PRSS38: variants seen among roughly 807,000 people sequenced by gnomAD.
The protein encoded by PRSS38 is serine protease 38.
In PRSS38, 22 loss-of-function variants were observed where a neutral mutation model predicts 26.8. The observed-to-expected ratio is 0.82, with a 90% CI of 0.59 to 1.17. The LOEUF is 1.17. PRSS38 is among the 50% of genes most tolerant of loss of function. The probability of loss-of-function intolerance (pLI) is 0.00; values close to 1 mark genes in which losing one functional copy is unlikely to be tolerated. For synonymous variants in PRSS38, 175 were observed against 172.1 expected, an observed-to-expected ratio of 1.02 and a Z score of -0.13; for missense variants, 427 against 422.7, an observed-to-expected ratio of 1.01 and a Z score of -0.09.
At chr1:227,840,050 T>C (rs895549990) in intron 3 of PRSS38, among the ~76,000 whole-genome samples, 2 of 152,218 alleles carry the variant, frequency 1.3e-5, no homozygotes, top group African/African-American at 4.8e-5. Context: ...GTCAGTAAAC[T>C]ACAGATGAGG....
intron 3 of PRSS38, among the ~76,000 whole-genome samples, chr1:227,838,334 G>A (rs543951161): frequency 4.6e-5 from 7 of 152,320 alleles, no homozygotes; most frequent in East Asian, 1.9e-4. Flanking sequence ...TGGTGGTGGC[G>A]TCATGCCTGC....
chr1:227,824,990 T>C (rs1665051154), intron 3 of PRSS38, among the ~76,000 whole-genome samples: 1 of 152,200 alleles, frequency 6.6e-6, no homozygotes. Flanking sequence ...GATGGATAGA[T>C]TGCAAAATTT....
At chr1:227,828,422 C>T (rs1338918276) in intron 3 of PRSS38, among the ~76,000 whole-genome samples, 1 of 152,096 alleles carries the variant, frequency 6.6e-6, no homozygotes, top group Non-Finnish European at 1.5e-5. Context: ...TTGTTGAACC[C>T]TTTACTATTA....
chr1:227,837,534 T>C (rs1196135076), intron 3 of PRSS38, among the ~76,000 whole-genome samples: 1 of 150,508 alleles, frequency 6.6e-6, no homozygotes, highest in African/African-American at 2.5e-5. Context: ...GTTTAGGTCA[T>C]GTGAACAAAT....
intron 3 of PRSS38, among the ~76,000 whole-genome samples, chr1:227,820,385 T>C (rs1381771410): frequency 6.6e-6 from 1 of 152,120 alleles, no homozygotes; most frequent in Non-Finnish European, 1.5e-5. Context: ...TTGTTTCTGA[T>C]CTCATGGGAA....
At chr1:227,840,753 C>T (rs993481576) in intron 3 of PRSS38, among the ~76,000 whole-genome samples, 4 of 152,164 alleles carry the variant, frequency 2.6e-5, no homozygotes, top group Non-Finnish European at 5.9e-5. Flanking sequence ...AGTGCCTTAT[C>T]CTCAGCTAGA....
chr1:227,824,560 T>C (rs547546939), intron 3 of PRSS38, among the ~76,000 whole-genome samples: 7 of 152,196 alleles, frequency 4.6e-5, no homozygotes, highest in Non-Finnish European at 8.8e-5. Context: ...AATAGGATGA[T>C]TTATATTACT....
intron 3 of PRSS38, among the ~76,000 whole-genome samples, chr1:227,826,719 A>G (rs903181284): frequency 1.4e-5 from 2 of 144,838 alleles, no homozygotes; most frequent in African/African-American, 5.1e-5. Context: ...CCATCTCAAG[A>G]AAAAAAAAAA....
At chr1:227,846,406 G>A in exon 5 of PRSS38, 2 of 654,302 alleles carry the variant, frequency 3.1e-6, no homozygotes, top group South Asian at 2.0e-5. Flanking sequence ...GGCTGGTCAG[G>A]GAGAACCCAG....
chr1:227,827,108 A>C (rs1326446779), intron 3 of PRSS38, among the ~76,000 whole-genome samples: 4 of 152,140 alleles, frequency 2.6e-5, no homozygotes, highest in African/African-American at 9.7e-5. Flanking sequence ...TTTTGCATTG[A>C]TGTTCATCAA....
At chr1:227,815,977 TC>T in intron 1 of PRSS38, 112 bp from the exon 2 acceptor site, 1 of 1,472,938 alleles carries the variant, frequency 6.8e-7, no homozygotes, top group South Asian at 1.3e-5. Context: ...CTCCCCCATG[TC>T]CCCTGCCTTC....
intron 3 of PRSS38, among the ~76,000 whole-genome samples, chr1:227,839,887 C>A (rs1004297440): frequency 3.9e-5 from 6 of 152,206 alleles, no homozygotes; most frequent in Admixed American, 6.5e-5. Flanking sequence ...AACAGCCACA[C>A]CCTCAGCGGA....
At chr1:227,827,254 T>C (rs746943021) in intron 3 of PRSS38, among the ~76,000 whole-genome samples, 1 of 152,224 alleles carries the variant, frequency 6.6e-6, no homozygotes, top group Non-Finnish European at 1.5e-5. Flanking sequence ...TCAGTAGAAA[T>C]GGAACTGGCT....
intron 4 of PRSS38, 68 bp downstream of exon 4, chr1:227,845,680 C>A (rs563975836): frequency 7.1e-6 from 11 of 1,541,048 alleles, no homozygotes; most frequent in Non-Finnish European, 9.7e-6. Context: ...CACAGGACCC[C>A]ACTCTGGCCT....
At chr1:227,837,613 T>C (rs1030354673) in intron 3 of PRSS38, among the ~76,000 whole-genome samples, 12 of 152,242 alleles carry the variant, frequency 7.9e-5, no homozygotes. Flanking sequence ...GGTCTATGCT[T>C]GGTAGAATCT....
rs116580654 is a variant in PRSS38 at position 227,818,865 on chromosome 1, T to C, written c.583+1385T>C. On this transcript the variant is annotated intron_variant, in intron 3 of 4. Coordinates refer to ENST00000366757, the Ensembl canonical transcript of PRSS38. The stretch of plus-strand genomic sequence containing the variant: ...GATTAGCTATTTCTTGAAGGTTTGA[T>C]GTGGCCATAAAACACTCTGATCCTA... 5.8e-3 allele frequency among the ~76,000 whole-genome samples: 880 copies of C among 152,262 alleles called. 10 individuals are homozygous for C. Among genetic ancestry groups the C allele is most frequent in the African/African-American group, 0.021 (853 of 41,546 alleles).
intron 3 of PRSS38, among the ~76,000 whole-genome samples, chr1:227,828,076 C>A (rs930641969): frequency 1.3e-5 from 2 of 152,116 alleles, no homozygotes; most frequent in African/African-American, 4.8e-5. Flanking sequence ...GTTTTCAGTT[C>A]TTCTGCATTC....
At chr1:227,833,885 CA>C (rs1292763841) in intron 3 of PRSS38, among the ~76,000 whole-genome samples, 1 of 152,116 alleles carries the variant, frequency 6.6e-6, no homozygotes, top group Non-Finnish European at 1.5e-5. Flanking sequence ...TTATGTCCCC[CA>C]AAAGATATGT....
At chr1:227,845,120 T>TC (rs1665405155) in intron 3 of PRSS38, among the ~76,000 whole-genome samples, 2 of 141,816 alleles carry the variant, frequency 1.4e-5, no homozygotes, top group African/African-American at 2.7e-5. Flanking sequence ...CTATGTGTGG[T>TC]GGGGCTCCTC....
Sources: allele counts gnomAD v4.1 joint callset (sites outside exome capture counted in the v4.1 genomes callset), GRCh38; gene constraint gnomAD v4.1.1; transcripts MANE v1.5; gene names NCBI Gene and HGNC (gene_info 2026-07-23, HGNC 2026-07-21).